CLVS1: variants seen among roughly 807,000 people sequenced by gnomAD.
The protein encoded by CLVS1 is clavesin 1.
CLVS1 carries 10 observed loss-of-function variants against 33.1 expected under a neutral mutation model. That is an observed-to-expected ratio of 0.30 (90% CI 0.19 to 0.51). The LOEUF (loss-of-function observed/expected upper bound fraction) is 0.51. Among genes scored for constraint, CLVS1 ranks in the 20% least tolerant of loss-of-function variants. The pLI, the probability that CLVS1 is intolerant of heterozygous loss-of-function variation, is 0.97. For missense variants in CLVS1, 343 were observed against 433.4 expected (o/e 0.79, Z 1.85); for synonymous variants, 163 against 166.1 (o/e 0.98, Z 0.14).
chr8:61,496,905 T>C (rs1804286297), intron 5 of CLVS1, among the ~76,000 whole-genome samples: 2 of 152,190 alleles, frequency 1.3e-5, no homozygotes, highest in African/African-American at 4.8e-5. Context: ...CCACTTTCTA[T>C]TTGTGTTGCC....
intron 3 of CLVS1, among the ~76,000 whole-genome samples, chr8:61,437,949 A>G (rs1816398653): frequency 6.6e-6 from 1 of 152,230 alleles, no homozygotes; most frequent in Admixed American, 6.5e-5. Context: ...GAACTGTAAG[A>G]TCTGACAGGC....
intron 2 of CLVS1, chr8:61,264,786 C>T (rs910941714): frequency 6.6e-6 from 1 of 152,144 alleles, no homozygotes; most frequent in Non-Finnish European, 1.5e-5. Context: ...CTCTGATGTC[C>T]ACATACCAGC....
At position 61,376,606 on chromosome 8, in the gene CLVS1, A is replaced by G. The variant is rs777775384; in HGVS notation, c.457A>G (p.Asn153Asp). The change falls in exon 3 of 6, where the codon AAC becomes GAC. Residue 153 changes from asparagine to aspartate, a missense_variant and splice_region_variant. Physicochemically the swap from Asn to Asp is conservative, Grantham distance 23. Coordinates refer to ENST00000325897, the MANE Select transcript of CLVS1 (RefSeq NM_173519.3). ...CTCTCCTTTCTGCTCTGGCTGCAGG[A>G]ACTCCTTCACAGACATCCTTCGTGC... ...LFAANWDQSR[N>D]SFTDILRAIL... The G allele has an allele frequency of 1.2e-6, 2 of 1,613,208 alleles. No homozygotes were observed. The highest frequency in any genetic ancestry group is 1.7e-5 in the Admixed American group (1 of 59,966).
chr8:61,355,562 C>T (rs1401301544), intron 2 of CLVS1, among the ~76,000 whole-genome samples: 2 of 152,148 alleles, frequency 1.3e-5, no homozygotes, highest in Non-Finnish European at 2.9e-5. Context: ...TATCTCTCCC[C>T]TCTTCCCCCA....
chr8:61,477,657 T>C (rs1818005258), intron 5 of CLVS1, among the ~76,000 whole-genome samples: 1 of 151,514 alleles, frequency 6.6e-6, no homozygotes, highest in Admixed American at 6.6e-5. Flanking sequence ...CCCTTTGTCA[T>C]TTTTTATTGT....
the CLVS1 span, chr8:60,966,498 A>C: frequency 2.4e-6 from 1 of 419,326 alleles, no homozygotes; most frequent in South Asian, 1.7e-5. Context: ...ATATATTTGC[A>C]TATGCCATGA....
At chr8:61,232,816 C>T (rs2078592592) in intron 2 of CLVS1, among the ~76,000 whole-genome samples, 1 of 152,276 alleles carries the variant, frequency 6.6e-6, no homozygotes, top group East Asian at 1.9e-4. Flanking sequence ...ACTAGTTGGA[C>T]AAACGGCAAC....
intron 1 of CLVS1, among the ~76,000 whole-genome samples, chr8:61,062,937 A>C: frequency 6.6e-6 from 1 of 152,238 alleles, no homozygotes; most frequent in East Asian, 1.9e-4. Flanking sequence ...CCTTTCTTTA[A>C]ATATTTTATT....
intron 2 of CLVS1, among the ~76,000 whole-genome samples, chr8:61,156,200 G>C (rs1306532154): frequency 8.7e-6 from 1 of 114,836 alleles, no homozygotes; most frequent in Non-Finnish European, 1.7e-5. Flanking sequence ...GGGCTACAGA[G>C]AGAGATTCCA....
the CLVS1 span, among the ~76,000 whole-genome samples, chr8:61,011,787 C>T: frequency 6.6e-6 from 1 of 152,210 alleles, no homozygotes; most frequent in Admixed American, 6.5e-5. Flanking sequence ...GTGTGGTGAC[C>T]AATTTCGGTG....
intron 2 of CLVS1, among the ~76,000 whole-genome samples, chr8:61,273,699 C>G (rs553000616): frequency 1.3e-5 from 2 of 152,212 alleles, no homozygotes; most frequent in Non-Finnish European, 2.9e-5. Context: ...CGTGGTGCGC[C>G]GTGTTTTAAG....
the CLVS1 span, among the ~76,000 whole-genome samples, chr8:61,001,475 A>G: frequency 6.6e-6 from 1 of 152,270 alleles, no homozygotes; most frequent in African/African-American, 2.4e-5. Context: ...TTTTGCTTTC[A>G]TAAGATTTAC....
chr8:61,400,237 A>G (rs570539493), intron 3 of CLVS1, among the ~76,000 whole-genome samples: 8 of 152,150 alleles, frequency 5.3e-5, no homozygotes, highest in Non-Finnish European at 1.2e-4. Context: ...CTGTCCTTGA[A>G]GAGGTCCTTC....
At chr8:61,157,245 T>C (rs907369041) in intron 2 of CLVS1, among the ~76,000 whole-genome samples, 1 of 152,114 alleles carries the variant, frequency 6.6e-6, no homozygotes, top group Non-Finnish European at 1.5e-5. Context: ...AGTCCACACA[T>C]AGGCAATTAA....
rs2129315650 is a variant in CLVS1 at position 61,248,797 on chromosome 8, A to T, written c.-151-50880A>T. Among the ~76,000 whole-genome samples, 3 of 152,236 alleles carry T rather than the reference A, an allele frequency of 2.0e-5. No individual in the cohort carries two copies. In the South Asian group the frequency reaches 6.2e-4, roughly 32 times the overall value. The stretch of plus-strand genomic sequence containing the variant: ...CCAGAAGTCCTCTCTTATTTATTAA[A>T]ACCCACAACCTGCTGTAGGATAATC... On this transcript the variant is annotated intron_variant, in intron 2 of 2. Transcript: ENST00000522621.
chr8:61,075,051 T>C (rs1395995008), intron 1 of CLVS1, among the ~76,000 whole-genome samples: 4 of 152,160 alleles, frequency 2.6e-5, no homozygotes, highest in Non-Finnish European at 5.9e-5. Flanking sequence ...TCTATGATCC[T>C]GCTCTAATCT....
At chr8:61,038,820 A>G in the CLVS1 span, among the ~76,000 whole-genome samples, 10 of 152,180 alleles carry the variant, frequency 6.6e-5, no homozygotes, top group Non-Finnish European at 1.2e-4. Flanking sequence ...TCCTTTTGTG[A>G]TATGAAGTGA....
chr8:61,165,225 AGCG>A (rs1806836169), intron 2 of CLVS1, among the ~76,000 whole-genome samples: 1 of 152,252 alleles, frequency 6.6e-6, no homozygotes, highest in African/African-American at 2.4e-5. Flanking sequence ...AATGGAAGTC[AGCG>A]GCGGGTCTGC....
At chr8:61,430,398 A>G (rs1816065891) in intron 3 of CLVS1, among the ~76,000 whole-genome samples, 2 of 152,352 alleles carry the variant, frequency 1.3e-5, no homozygotes, top group South Asian at 4.1e-4. Context: ...ACAATGGAGC[A>G]GAAAGAGGTA....
Sources: allele counts gnomAD v4.1 joint callset (sites outside exome capture counted in the v4.1 genomes callset), GRCh38; gene constraint gnomAD v4.1.1; transcripts MANE v1.5; gene names NCBI Gene and HGNC (gene_info 2026-07-23, HGNC 2026-07-21).